The following PDE12 variants were observed in gnomAD, a reference collection of about 807,000 sequenced individuals.
The protein encoded by PDE12 is phosphodiesterase 12, also known as 2',5'-phosphodiesterase 12.
A neutral mutation model predicts 45.4 loss-of-function variants in PDE12; 26 were observed. The ratio of observed to expected loss-of-function variants is 0.57; its 90% CI spans 0.42 to 0.79. PDE12 has a LOEUF of 0.79. Among genes scored for constraint, PDE12 ranks in the 30% least tolerant of loss-of-function variants. PDE12 has a pLI of 0.00. For synonymous variants in PDE12, 283 were observed against 323.9 expected (o/e 0.87, Z 1.36); for missense variants, 668 against 790.0 (o/e 0.85, Z 1.85).
chr3:57,644,625 T>C, the PDE12 span, among the ~76,000 whole-genome samples: 2 of 140,478 alleles, frequency 1.4e-5, no homozygotes, highest in Non-Finnish European at 3.1e-5. Flanking sequence ...AAAATATTTT[T>C]AAGGTTAAAA....
chr3:57,580,449 T>G, the PDE12 span, among the ~76,000 whole-genome samples: 1 of 152,192 alleles, frequency 6.6e-6, no homozygotes. Flanking sequence ...TCCCCCAGGC[T>G]GGAGTACAGA....
the PDE12 span, among the ~76,000 whole-genome samples, chr3:57,588,429 T>A: frequency 3.3e-5 from 5 of 152,108 alleles, no homozygotes; most frequent in Non-Finnish European, 7.4e-5. Flanking sequence ...GCTGGGAAGC[T>A]GTGCATGGTG....
the PDE12 span, among the ~76,000 whole-genome samples, chr3:57,603,869 A>G: frequency 1.3e-5 from 2 of 151,112 alleles, no homozygotes; most frequent in Admixed American, 6.6e-5. Flanking sequence ...TGATCCACCC[A>G]TCTCAGCCTC....
the PDE12 span, among the ~76,000 whole-genome samples, chr3:57,618,607 G>GTGTTTTT: frequency 1.3e-5 from 1 of 79,390 alleles, no homozygotes; most frequent in Non-Finnish European, 2.3e-5. Context: ...TTGCTTTTGT[G>GTGTTTTT]TTTTTTTTTT....
the PDE12 span, among the ~76,000 whole-genome samples, chr3:57,624,661 G>A: frequency 6.6e-5 from 10 of 151,624 alleles, no homozygotes; most frequent in Admixed American, 5.3e-4. Context: ...CTACTTGAGA[G>A]GCCGAGGCAG....
chr3:57,590,815 T>C, the PDE12 span, among the ~76,000 whole-genome samples: 2 of 152,024 alleles, frequency 1.3e-5, no homozygotes, highest in Admixed American at 6.6e-5. Flanking sequence ...AGTAGCTGGG[T>C]CTACAGGGGC....
the PDE12 span, among the ~76,000 whole-genome samples, chr3:57,599,213 A>G: frequency 2.0e-5 from 3 of 152,222 alleles, no homozygotes; most frequent in Non-Finnish European, 4.4e-5. Context: ...GCATAGATAG[A>G]TAAGAGACAA....
downstream of PDE12, among the ~76,000 whole-genome samples, chr3:57,569,007 C>T (rs2069811037): frequency 2.0e-5 from 3 of 152,084 alleles, no homozygotes; most frequent in South Asian, 6.2e-4. Context: ...AATTAGTTGA[C>T]AGAATACTTT....
the PDE12 span, chr3:57,645,616 G>T: frequency 1.5e-6 from 2 of 1,370,438 alleles, no homozygotes; most frequent in Non-Finnish European, 1.0e-6. Context: ...ACACAATTTT[G>T]GTTATAAAGG....
rs1418771104 is a variant in PDE12 at position 57,564,416 on chromosome 3, TTC to T, written c.*4414_*4415del. The T allele has an allele frequency of 2.0e-5, 3 of 152,210 alleles. No individual in the cohort carries two copies. The highest frequency in any genetic ancestry group is 1.5e-5 in the Non-Finnish European group (1 of 68,046). 9.4% of individuals were successfully genotyped at this position (152,210 alleles called of 1,614,324 possible). On this transcript the variant is annotated 3_prime_UTR_variant, in exon 3 of 3. Transcript: ENST00000311180. ...GAAAACTGAATTATTCATCTCTATC[TTC>T]TGTCCAATTTATGTAATGAATGTAT...
the PDE12 span, chr3:57,628,268 G>T: frequency 6.2e-7 from 1 of 1,614,132 alleles, no homozygotes; most frequent in East Asian, 2.2e-5. Flanking sequence ...GCAATGCTAA[G>T]ATAATGGCAT....
At chr3:57,601,992 T>C in the PDE12 span, among the ~76,000 whole-genome samples, 1 of 151,754 alleles carries the variant, frequency 6.6e-6, no homozygotes, top group Non-Finnish European at 1.5e-5. Flanking sequence ...TGACCTCAAG[T>C]GATCTGCCCA....
At chr3:57,645,228 T>C in the PDE12 span, among the ~76,000 whole-genome samples, 1 of 152,092 alleles carries the variant, frequency 6.6e-6, no homozygotes, top group African/African-American at 2.4e-5. Context: ...TTTGTGAGGC[T>C]GAGGCAGGCA....
chr3:57,575,595 T>C, the PDE12 span: 2 of 1,613,680 alleles, frequency 1.2e-6, no homozygotes, highest in Admixed American at 1.7e-5. Flanking sequence ...GTCATTTCAC[T>C]GATGGCCATA....
the PDE12 span, among the ~76,000 whole-genome samples, chr3:57,576,327 G>A: frequency 1.3e-5 from 2 of 152,108 alleles, no homozygotes; most frequent in African/African-American, 2.4e-5. Context: ...GGAGTGTGGT[G>A]TACGAGAGGA....
At position 57,556,379 on chromosome 3, in the gene PDE12, C is replaced by G; in HGVS notation, c.-1C>G. On this transcript the variant is annotated 5_prime_UTR_variant, in exon 1 of 3. Transcript: ENST00000311180. This position sits in a 1 kb window ranked among gnomAD's most constrained non-coding sequence, Gnocchi z 5.0. The stretch of plus-strand genomic sequence containing the variant: ...TTGTCGACCGCTAGGCCACCAGGTT[C>G]ATGTGGAGGCTCCCAGGCGCCCGCG... The G allele has an allele frequency of 6.4e-7, 1 of 1,567,164 alleles. No individual in the cohort carries two copies. The highest frequency in any genetic ancestry group is 2.4e-5 in the East Asian group (1 of 42,140).
the PDE12 span, among the ~76,000 whole-genome samples, chr3:57,636,516 G>T: frequency 1.3e-5 from 2 of 152,188 alleles, no homozygotes; most frequent in African/African-American, 4.8e-5. Context: ...AATATGGAGG[G>T]AAAGGTGCTG....
chr3:57,614,550 T>G, the PDE12 span, among the ~76,000 whole-genome samples: 1,954 of 101,500 alleles, frequency 0.019, 49 homozygotes, highest in African/African-American at 0.054. Context: ...TTTTGTTTTT[T>G]TTTTTTTTTT....
chr3:57,611,143 T>C, the PDE12 span, among the ~76,000 whole-genome samples: 7 of 152,198 alleles, frequency 4.6e-5, no homozygotes, highest in Admixed American at 3.9e-4. Context: ...AAGGATTCCC[T>C]ATTTAATAAA....
Sources: allele counts gnomAD v4.1 joint callset (sites outside exome capture counted in the v4.1 genomes callset), GRCh38; gene constraint gnomAD v4.1.1; non-coding constraint Gnocchi (gnomAD v3.1); transcripts MANE v1.5; gene names NCBI Gene and HGNC (gene_info 2026-07-23, HGNC 2026-07-21).